Variants in CMC1 observed in about 807,000 individuals in gnomAD.
The protein encoded by CMC1 is COX assembly mitochondrial protein homolog.
A neutral mutation model predicts 14.1 loss-of-function variants in CMC1; 14 were observed. The ratio of observed to expected loss-of-function variants is 0.99; its 90% confidence interval spans 0.66 to 1.55. CMC1 has a LOEUF of 1.55. Among genes scored for constraint, CMC1 ranks in the 40% most tolerant of loss-of-function variants. The probability of loss-of-function intolerance (pLI) is 0.00; values close to 1 mark genes in which losing one functional copy is unlikely to be tolerated. For synonymous variants in CMC1, 50 were observed against 38.4 expected, an observed-to-expected ratio of 1.30 and a Z score of -1.12; for missense variants, 127 against 123.8, an observed-to-expected ratio of 1.03 and a Z score of -0.12.
chr3:28,307,275 T>C (rs1005469037), intron 2 of CMC1, among the ~76,000 whole-genome samples: 2 of 152,162 alleles, frequency 1.3e-5, no homozygotes, highest in Non-Finnish European at 2.9e-5. Flanking sequence ...TCCTTAAAAA[T>C]GTATTATTCA....
chr3:28,292,262 A>T (rs1002933931), intron 2 of CMC1, among the ~76,000 whole-genome samples: 5 of 151,462 alleles, frequency 3.3e-5, no homozygotes, highest in Admixed American at 6.6e-5. Context: ...TCTTTTTAAA[A>T]CTCTGTTTAT....
intron 1 of CMC1, among the ~76,000 whole-genome samples, chr3:28,249,456 T>C (rs1193073484): frequency 3.9e-5 from 6 of 152,232 alleles, no homozygotes; most frequent in Non-Finnish European, 8.8e-5. Context: ...TACCATATGC[T>C]AGGAGTTAGA....
intron 2 of CMC1, among the ~76,000 whole-genome samples, chr3:28,268,061 C>T (rs375385377): frequency 6.6e-6 from 1 of 152,060 alleles, no homozygotes; most frequent in South Asian, 2.1e-4. Context: ...AAATAATCAC[C>T]GCATATGATG....
At chr3:28,275,465 C>T (rs979782321) in intron 2 of CMC1, among the ~76,000 whole-genome samples, 6 of 151,034 alleles carry the variant, frequency 4.0e-5, no homozygotes, top group African/African-American at 1.5e-4. Context: ...GGTTTCAGAA[C>T]AGCAAAGATG....
chr3:28,311,857 A>G (rs748132042), intron 2 of CMC1, among the ~76,000 whole-genome samples: 1 of 152,210 alleles, frequency 6.6e-6, no homozygotes, highest in Non-Finnish European at 1.5e-5. Flanking sequence ...AAATTGTATC[A>G]TTTTTAGTCC....
chr3:28,261,412 G>A lies in CMC1; in HGVS notation c.20-1879G>A, dbSNP rs564953821. Among the ~76,000 whole-genome samples, 9 of 152,246 alleles carry A rather than the reference G, an allele frequency of 5.9e-5. No individual in the cohort carries two copies. The South Asian group carries it at 1.9e-3, about 32-fold the overall frequency. On this transcript the variant is annotated intron_variant, in intron 1 of 3. Transcript: ENST00000466830. ...ATGGCTCCAGGTAGAGAGGCCATTG[G>A]TAGATGTTCTGGTTTACAGTCCTAA...
intron 2 of CMC1, among the ~76,000 whole-genome samples, chr3:28,310,567 T>C (rs1260731265): frequency 6.6e-6 from 1 of 152,268 alleles, no homozygotes; most frequent in Admixed American, 6.5e-5. Flanking sequence ...TCTTTTTCGT[T>C]CTACTTTGGT....
intron 2 of CMC1, among the ~76,000 whole-genome samples, chr3:28,292,553 AC>A (rs1430729481): frequency 6.6e-6 from 1 of 152,174 alleles, no homozygotes; most frequent in Non-Finnish European, 1.5e-5. Flanking sequence ...ACTTCAGCTT[AC>A]TTTAGTGATG....
At position 28,321,065 on chromosome 3, in the gene CMC1, ACT is replaced by A. The variant is rs1432379404; in HGVS notation, c.*1438_*1439del. The A allele has an allele frequency of 6.6e-6, 1 of 151,384 alleles. No individual in the cohort carries two copies. The highest frequency in any genetic ancestry group is 1.5e-5 in the Non-Finnish European group (1 of 67,570). The allele number at this position is 151,384 out of a possible 1,614,324, so 9.4% of individuals were successfully genotyped here. On this transcript the variant is annotated 3_prime_UTR_variant, in exon 4 of 4. Coordinates refer to ENST00000466830, the MANE Select transcript of CMC1 (RefSeq NM_182523.2). ...TCCACACTTTACTCTTGAGTGAACC[ACT>A]CAAAAAACTATTTTACTTTTATTTG...
chr3:28,261,742 A>T (rs1699746517), intron 1 of CMC1, among the ~76,000 whole-genome samples: 1 of 152,076 alleles, frequency 6.6e-6, no homozygotes, highest in Non-Finnish European at 1.5e-5. Flanking sequence ...TACGAAGGGG[A>T]TTGGTTTCAG....
chr3:28,299,341 A>G (rs1169326807), intron 2 of CMC1, among the ~76,000 whole-genome samples: 8 of 152,142 alleles, frequency 5.3e-5, no homozygotes, highest in Non-Finnish European at 1.2e-4. Flanking sequence ...TTTAGTTTGA[A>G]TATCAGCCTG....
At chr3:28,316,628 G>C (rs1702938934) in intron 3 of CMC1, 1 of 360,978 alleles carries the variant, frequency 2.8e-6, no homozygotes, top group Admixed American at 4.4e-5. Context: ...CATTGTATCT[G>C]ATTAAAAAGA....
At chr3:28,259,944 G>A (rs1699646313) in intron 1 of CMC1, among the ~76,000 whole-genome samples, 1 of 152,110 alleles carries the variant, frequency 6.6e-6, no homozygotes, top group South Asian at 2.1e-4. Flanking sequence ...TAAGTATGAT[G>A]TAAGCTAGAA....
chr3:28,263,747 T>TAG (rs1449232019), intron 2 of CMC1, among the ~76,000 whole-genome samples: 2 of 152,160 alleles, frequency 1.3e-5, no homozygotes, highest in African/African-American at 4.8e-5. Context: ...TGTCACCATA[T>TAG]TCGCATACAT....
chr3:28,319,374 T>A, intron 3 of CMC1, 135 bp from the exon 4 acceptor site: 1 of 814,598 alleles, frequency 1.2e-6, no homozygotes, highest in Non-Finnish European at 2.1e-6. Flanking sequence ...AGTGAATTTT[T>A]AACCATTACT....
At chr3:28,273,481 C>T (rs1052665652) in intron 2 of CMC1, among the ~76,000 whole-genome samples, 5 of 152,218 alleles carry the variant, frequency 3.3e-5, no homozygotes, top group Admixed American at 6.5e-5. Flanking sequence ...GTTATGATTT[C>T]AGTTATTTCG....
At position 28,319,747 on chromosome 3, in the gene CMC1, T is replaced by C; in HGVS notation, c.*118T>C. On this transcript the variant is annotated 3_prime_UTR_variant, in exon 4 of 4. Transcript: ENST00000466830. The stretch of plus-strand genomic sequence containing the variant: ...ACCTTAATTATGGAAATATTAACTT[T>C]ATCTGAAATAAATATTTTATTTCAA... 3.6e-6 allele frequency: 3 copies of C among 829,298 alleles called. No homozygotes were observed. Among genetic ancestry groups the C allele is most frequent in the East Asian group, 3.0e-5 (1 of 33,592 alleles). 51.4% of individuals were successfully genotyped at this position (829,298 alleles called of 1,614,324 possible). A position where few individuals can be genotyped will look rare whatever the true frequency, so the allele number is the denominator to read the frequency against.
At chr3:28,305,587 G>T (rs1250611059) in intron 2 of CMC1, among the ~76,000 whole-genome samples, 1 of 152,042 alleles carries the variant, frequency 6.6e-6, no homozygotes, top group East Asian at 1.9e-4. Flanking sequence ...TTTGTTGGAT[G>T]CATAGTTTGC....
Position 28,323,970 on chromosome 3 carries a change from TTAAA to T in CMC1, c.*4345_*4348del, listed in dbSNP as rs1254833505. ...TTAATCAAAATCTCCTTTCAGTTTG[TTAAA>T]TAATTTCTTGGGAGGACCACTGAAA... On this transcript the variant is annotated 3_prime_UTR_variant, in exon 4 of 4. Transcript: ENST00000466830. 4 of 1,467,612 alleles carry T rather than the reference TTAAA, an allele frequency of 2.7e-6. No individual in the cohort carries two copies. The highest frequency in any genetic ancestry group is 3.7e-6 in the Non-Finnish European group (4 of 1,086,682). The allele number at this position is 1,467,612 out of a possible 1,614,324, so 90.9% of individuals were successfully genotyped here.
Sources: allele counts gnomAD v4.1 joint callset (sites outside exome capture counted in the v4.1 genomes callset), GRCh38; gene constraint gnomAD v4.1.1; transcripts MANE v1.5; gene names NCBI Gene and HGNC (gene_info 2026-07-23, HGNC 2026-07-21).